MANEA: variants seen among roughly 807,000 people sequenced by gnomAD.
MANEA encodes the protein mannosidase endo-alpha.
MANEA carries 25 observed loss-of-function variants against 36.8 expected under a neutral mutation model. The observed-to-expected ratio is 0.68, with a 90% CI of 0.50 to 0.95. The LOEUF (loss-of-function observed/expected upper bound fraction) is 0.95, where lower values mean the gene tolerates loss of function less well. MANEA is among the 40% of genes least tolerant of loss of function. MANEA has a pLI of 0.00. For synonymous variants in MANEA, 198 were observed against 188.5 expected (o/e 1.05, Z -0.41); for missense variants, 565 against 558.8 (o/e 1.01, Z -0.11).
intron 2 of MANEA, chr6:95,587,437 T>C: frequency 6.0e-6 from 1 of 165,864 alleles, no homozygotes; most frequent in South Asian, 1.8e-4. Flanking sequence ...CTGAAAACTG[T>C]ATACATATCA....
chr6:95,583,319 A>G (rs1365644093), intron 1 of MANEA, among the ~76,000 whole-genome samples: 5 of 152,008 alleles, frequency 3.3e-5, no homozygotes, highest in African/African-American at 1.2e-4. Flanking sequence ...AAATACATTT[A>G]ATTATGTATA....
At chr6:95,584,607 C>G (rs1769245659) in intron 1 of MANEA, among the ~76,000 whole-genome samples, 1 of 152,154 alleles carries the variant, frequency 6.6e-6, no homozygotes, top group African/African-American at 2.4e-5. Flanking sequence ...TTCTGTTTTG[C>G]CTTTTCTCCT....
At position 95,606,885 on chromosome 6, in the gene MANEA, T is replaced by C. The variant is rs996278940; in HGVS notation, c.*480T>C. The C allele has an allele frequency of 1.3e-5, 2 of 152,200 alleles. No individual in the cohort carries two copies. The highest frequency in any genetic ancestry group is 6.6e-5 in the Admixed American group (1 of 15,264). 9.4% of individuals were successfully genotyped at this position (152,200 alleles called of 1,614,324 possible). A position where few individuals can be genotyped will look rare whatever the true frequency, so the allele number is the denominator to read the frequency against. ...AATTTAATCAACTTTATTGTCTTAG[T>C]ATTTAGACTCTGGATAACTCTACAA... On this transcript the variant is annotated 3_prime_UTR_variant, in exon 5 of 5. Transcript: ENST00000358812.
At chr6:95,597,935 A>G (rs1422787564) in intron 3 of MANEA, among the ~76,000 whole-genome samples, 4 of 152,150 alleles carry the variant, frequency 2.6e-5, no homozygotes, top group East Asian at 1.9e-4. Context: ...GAGAAAACAT[A>G]TCAGCAAAAA....
At chr6:95,602,099 G>A (rs755122709) in intron 3 of MANEA, among the ~76,000 whole-genome samples, 2 of 152,046 alleles carry the variant, frequency 1.3e-5, no homozygotes, top group Non-Finnish European at 1.5e-5. Context: ...GAAACTTTGG[G>A]AATCTTACCT....
chr6:95,601,444 CTATGTGCTTGCATGA>C (rs1769588223), intron 3 of MANEA, among the ~76,000 whole-genome samples: 1 of 152,042 alleles, frequency 6.6e-6, no homozygotes, highest in Admixed American at 6.6e-5. Context: ...ATAATGTATA[CTATGTGCTTGCATGA>C]TTATGCTCTT....
In MANEA at chr6:95,596,723, G is replaced by T; in HGVS notation, c.545-14G>T. 7.2e-7 allele frequency: 1 copy of T among 1,383,608 alleles called. No homozygotes were observed. Among genetic ancestry groups the T allele is most frequent in the Non-Finnish European group, 1.0e-6 (1 of 976,672 alleles). 85.7% of individuals were successfully genotyped at this position (1,383,608 alleles called of 1,614,324 possible). On this transcript the variant is annotated splice_polypyrimidine_tract_variant and intron_variant, in intron 2 of 4. Transcript: ENST00000358812. The stretch of plus-strand genomic sequence containing the variant: ...TTCTTGTCTTTTCCCTTTCTTTTTG[G>T]TCTTTTCTATTAGGTGTACTAGCCC...
chr6:95,606,495 C>A lies in MANEA; in HGVS notation c.*90C>A. On this transcript the variant is annotated 3_prime_UTR_variant, in exon 5 of 5. Coordinates refer to ENST00000358812, the MANE Select transcript of MANEA (RefSeq NM_024641.4). ...GTTCTGGAAAGAAAACTGTCAAAATCAGTATATACTATTAGTTATATTTAA... is the reference window on the plus strand; with the variant it reads ...GTTCTGGAAAGAAAACTGTCAAAATAAGTATATACTATTAGTTATATTTAA... The A allele has an allele frequency of 1.3e-6, 1 of 786,974 alleles. No homozygotes were observed. Among genetic ancestry groups the A allele is most frequent in the Non-Finnish European group, 1.9e-6 (1 of 514,316 alleles). 48.7% of individuals were successfully genotyped at this position (786,974 alleles called of 1,614,324 possible). A position where few individuals can be genotyped will look rare whatever the true frequency, so the allele number is the denominator to read the frequency against.
chr6:95,586,843 T>G lies in MANEA; in HGVS notation c.404T>G (p.Ile135Arg). 2.5e-6 allele frequency: 4 copies of G among 1,613,944 alleles called. No individual in the cohort carries two copies. The highest frequency in any genetic ancestry group is 3.4e-6 in the Non-Finnish European group (4 of 1,179,896). The change falls in exon 2 of 5, where the codon ATA becomes AGA. Residue 135 changes from isoleucine (I) to arginine (R), a missense_variant. Coordinates refer to ENST00000358812, the MANE Select transcript of MANEA (RefSeq NM_024641.4). ...HPVLEHWDPR[I>R]AKNYPQGRHN... is the part of the protein sequence containing the mutation. Reference sequence around the variant, plus strand: ...GTGTTAGAGCATTGGGACCCTAGAATAGCCAAGAATTATCCACAAGGGAGA... The same window carrying G: ...GTGTTAGAGCATTGGGACCCTAGAAGAGCCAAGAATTATCCACAAGGGAGA...
At chr6:95,602,951 C>T (rs904929283) in intron 3 of MANEA, among the ~76,000 whole-genome samples, 5 of 137,624 alleles carry the variant, frequency 3.6e-5, no homozygotes, top group African/African-American at 1.4e-4. Flanking sequence ...ACCCGGGAAG[C>T]GGAGCTTGCA....
At chr6:95,583,059 T>G (rs1290667973) in intron 1 of MANEA, among the ~76,000 whole-genome samples, 1 of 152,184 alleles carries the variant, frequency 6.6e-6, no homozygotes, top group Non-Finnish European at 1.5e-5. Flanking sequence ...CCACTGTTAT[T>G]ATTTCCCCAT....
At chr6:95,603,904 T>C (rs1769650113) in intron 3 of MANEA, among the ~76,000 whole-genome samples, 1 of 152,150 alleles carries the variant, frequency 6.6e-6, no homozygotes, top group Non-Finnish European at 1.5e-5. Context: ...AGAATGGTTT[T>C]ACTAGCCATA....
intron 2 of MANEA, among the ~76,000 whole-genome samples, chr6:95,593,284 T>C (rs944495468): frequency 3.9e-5 from 6 of 152,180 alleles, no homozygotes; most frequent in Non-Finnish European, 8.8e-5. Context: ...TAATGATTAA[T>C]TGGGCTGTGG....
Position 95,606,291 on chromosome 6 carries a change from A to T in MANEA, c.1275A>T (p.Leu425=). The change falls in exon 5 of 5, where the codon CTA becomes CTT. Residue 425 remains leucine, a synonymous_variant. Transcript: ENST00000358812. ...AAAGAACCAGTAATACAGTGTACCT[A>T]GATTACCGTCCTCATAAACCAGGTC... ...VPKRTSNTVY[L]DYRPHKPGLY... 1 of 1,612,986 alleles carries T rather than the reference A, an allele frequency of 6.2e-7. No homozygotes were observed. The highest frequency in any genetic ancestry group is 8.5e-7 in the Non-Finnish European group (1 of 1,179,748).
rs1358018492 is a variant in MANEA at position 95,608,563 on chromosome 6, A to AT, written c.*2160dup. The AT allele has an allele frequency of 1.3e-5, 2 of 151,812 alleles. No homozygotes were observed. Among genetic ancestry groups the AT allele is most frequent in the Non-Finnish European group, 3.0e-5 (2 of 67,760 alleles). 9.4% of individuals were successfully genotyped at this position (151,812 alleles called of 1,614,324 possible). On this transcript the variant is annotated 3_prime_UTR_variant, in exon 5 of 5. Coordinates refer to ENST00000358812, the MANE Select transcript of MANEA (RefSeq NM_024641.4). Reference sequence around the variant, plus strand: ...CAGATTTCAGAGTAAGATAAAGCAGATTCTGTCTTCATTGCAAAAAGTTAT... The same window carrying AT: ...CAGATTTCAGAGTAAGATAAAGCAGATTTCTGTCTTCATTGCAAAAAGTTAT...
chr6:95,599,884 A>C (rs530051968), intron 3 of MANEA, among the ~76,000 whole-genome samples: 15 of 152,276 alleles, frequency 9.9e-5, no homozygotes. Flanking sequence ...TCTTATTGGC[A>C]TTTGAAATCT....
intron 1 of MANEA, among the ~76,000 whole-genome samples, chr6:95,583,512 A>G (rs573270501): frequency 8.5e-5 from 13 of 152,264 alleles, no homozygotes; most frequent in African/African-American, 2.4e-4. Context: ...CAGTATACAT[A>G]TATACATATA....
rs1342088037 is a variant in MANEA, at chr6:95,605,942, A to G, written c.926A>G (p.Lys309Arg). ...GCCCTTCTGGTAGAAGAAAAACATA[A>G]GTATGATATTCTTCAAAGTGGTTTT... ...FIALLVEEKH[K>R]YDILQSGFDG... The change falls in exon 5 of 5, where the codon AAG becomes AGG. Residue 309 changes from lysine to arginine, a missense_variant. By Grantham distance (26) the Lys-to-Arg change is conservative (BLOSUM62 2). Coordinates refer to ENST00000358812, the MANE Select transcript of MANEA (RefSeq NM_024641.4). 1.2e-6 allele frequency: 2 copies of G among 1,613,710 alleles called. No homozygotes were observed. The highest frequency in any genetic ancestry group is 2.7e-5 in the African/African-American group (2 of 74,906).
chr6:95,598,588 G>A (rs1332595419), intron 3 of MANEA, among the ~76,000 whole-genome samples: 1 of 151,950 alleles, frequency 6.6e-6, no homozygotes, highest in South Asian at 2.1e-4. Flanking sequence ...CATAAATCTT[G>A]GCAATGACGT....
Sources: gnomAD v4.1 joint callset for allele counts (sites outside exome capture counted in the v4.1 genomes callset) on GRCh38, gnomAD v4.1.1 for gene constraint, MANE v1.5 for transcripts, NCBI Gene and HGNC (gene_info 2026-07-23, HGNC 2026-07-21) for gene names.